Variants in NOX3 observed in about 807,000 individuals in gnomAD.
NOX3 encodes NADPH oxidase 3.
NOX3 carries 74 observed loss-of-function variants against 76.7 expected under a neutral mutation model. That is an observed-to-expected ratio of 0.96 (90% CI 0.80 to 1.17). The LOEUF is 1.17. Ranked by LOEUF, NOX3 falls within the 50% of genes most tolerant of loss-of-function variation. The probability of loss-of-function intolerance (pLI) is 0.00; values close to 1 mark genes in which losing one functional copy is unlikely to be tolerated. For synonymous variants in NOX3, 263 were observed against 261.1 expected (o/e 1.01, Z -0.07); for missense variants, 695 against 703.3 (o/e 0.99, Z 0.13).
intron 11 of NOX3, among the ~76,000 whole-genome samples, chr6:155,408,136 G>T (rs891977887): frequency 3.9e-5 from 6 of 152,010 alleles, no homozygotes; most frequent in Non-Finnish European, 8.8e-5. Flanking sequence ...GTACCACCAT[G>T]CTTGGCTAAT....
rs1274124843 is a variant in NOX3 at position 155,454,730 on chromosome 6, A to C, written c.255+81T>G. On this transcript the variant is annotated intron_variant, in intron 3 of 13. Coordinates refer to ENST00000159060, the MANE Select transcript of NOX3 (RefSeq NM_015718.3). ...TAAACAGAATTACTGAGAATTTCAT[A>C]ATAAAGTACATTTTTTTTCAATGGC... is the stretch of plus-strand genomic sequence containing the variant. 5 of 812,750 alleles carry C rather than the reference A, an allele frequency of 6.2e-6. No homozygotes were observed. In the East Asian group the frequency reaches 1.4e-4, roughly 23 times the overall value. The allele number at this position is 812,750 out of a possible 1,614,324, so 50.3% of individuals were successfully genotyped here. A position where few individuals can be genotyped will look rare whatever the true frequency, so the allele number is the denominator to read the frequency against.
chr6:155,430,835 A>T lies in NOX3; in HGVS notation c.891+8T>A. The T allele has an allele frequency of 6.3e-7, 1 of 1,591,454 alleles. No individual in the cohort carries two copies. The highest frequency in any genetic ancestry group is 8.6e-7 in the Non-Finnish European group (1 of 1,160,100). ...GGCTTTTATTCAGACATAAAGCTACATGCATACCTTGGTAATGACAACTTC... is the reference window on the plus strand; with the variant it reads ...GGCTTTTATTCAGACATAAAGCTACTTGCATACCTTGGTAATGACAACTTC... On this transcript the variant is annotated splice_region_variant and intron_variant, in intron 8 of 13. Transcript: ENST00000159060.
At chr6:155,418,358 C>A (rs904247399) in intron 10 of NOX3, among the ~76,000 whole-genome samples, 3 of 152,216 alleles carry the variant, frequency 2.0e-5, no homozygotes, top group African/African-American at 7.2e-5. Context: ...TATTGCATCA[C>A]AGAGAATTCT....
In NOX3 at chr6:155,455,325, G is replaced by T. The variant is rs559060367; in HGVS notation, c.49-196C>A. Among the ~76,000 whole-genome samples, 9 of 152,192 alleles carry T rather than the reference G, an allele frequency of 5.9e-5. No homozygotes were observed. The South Asian group carries it at 1.5e-3, about 25-fold the overall frequency. On this transcript the variant is annotated intron_variant, in intron 1 of 13. Transcript: ENST00000159060. ...AATACATTATTACCTTTATTAAAAA[G>T]ATTTTAAACACATATGAGTCAACTT...
intron 4 of NOX3, among the ~76,000 whole-genome samples, chr6:155,450,875 G>T (rs746751201): frequency 9.2e-5 from 14 of 152,114 alleles, no homozygotes; most frequent in Non-Finnish European, 1.9e-4. Context: ...CAGGCTAAGG[G>T]CTTTGGATTT....
At chr6:155,423,144 C>T (rs1042674425) in intron 9 of NOX3, among the ~76,000 whole-genome samples, 2 of 152,294 alleles carry the variant, frequency 1.3e-5, no homozygotes, top group Middle Eastern at 3.4e-3. Flanking sequence ...GCATGCTCTC[C>T]TTACAGCGCT....
At chr6:155,435,037 G>T (rs1776883150) in intron 7 of NOX3, among the ~76,000 whole-genome samples, 1 of 152,184 alleles carries the variant, frequency 6.6e-6, no homozygotes, top group Non-Finnish European at 1.5e-5. Flanking sequence ...TTCGGATTCA[G>T]TGTCTATAAG....
chr6:155,411,004 T>TAA (rs1171737162), intron 11 of NOX3, among the ~76,000 whole-genome samples: 14 of 152,230 alleles, frequency 9.2e-5, no homozygotes, highest in Non-Finnish European at 2.1e-4. Flanking sequence ...CTCAGCAAGT[T>TAA]AACTGTAGCT....
At chr6:155,410,672 T>C (rs1776530381) in intron 11 of NOX3, among the ~76,000 whole-genome samples, 1 of 152,218 alleles carries the variant, frequency 6.6e-6, no homozygotes, top group African/African-American at 2.4e-5. Context: ...ATCTTCATCT[T>C]AGGTAAATAA....
intron 10 of NOX3, among the ~76,000 whole-genome samples, chr6:155,416,141 C>G (rs900060756): frequency 1.8e-4 from 28 of 152,230 alleles, no homozygotes; most frequent in African/African-American, 6.5e-4. Flanking sequence ...ATCGCCTCCT[C>G]AAGGAGAAGG....
intron 12 of NOX3, among the ~76,000 whole-genome samples, chr6:155,406,259 C>T (rs73792881): frequency 0.014 from 2,083 of 151,984 alleles, 46 homozygotes; most frequent in African/African-American, 0.047. Context: ...AGTATATTTA[C>T]GTTATGAAAA....
intron 11 of NOX3, 25 bp downstream of exon 11, chr6:155,411,189 C>T: frequency 6.2e-7 from 1 of 1,606,560 alleles, no homozygotes. Flanking sequence ...AGCAATATTG[C>T]TTATTCTCAG....
At chr6:155,409,693 A>G (rs1309025967) in intron 11 of NOX3, among the ~76,000 whole-genome samples, 4 of 152,164 alleles carry the variant, frequency 2.6e-5, no homozygotes, top group African/African-American at 9.7e-5. Context: ...GAATGCACCA[A>G]TTATTTTTCC....
At chr6:155,424,794 A>C (rs868359155) in intron 9 of NOX3, among the ~76,000 whole-genome samples, 5 of 152,228 alleles carry the variant, frequency 3.3e-5, no homozygotes, top group Non-Finnish European at 7.3e-5. Flanking sequence ...GAAAGAGAGA[A>C]AGAAAACCTG....
In NOX3 at chr6:155,411,204, T is replaced by C. The variant is rs749265151; in HGVS notation, c.1455+10A>G. On this transcript the variant is annotated intron_variant, in intron 11 of 13. Transcript: ENST00000159060. ...AGCAATATTGCTTATTCTCAGAGTC[T>C]TATCAGTACCTGATTTTCATCCCAG... The C allele has an allele frequency of 1.2e-6, 2 of 1,612,536 alleles. No homozygotes were observed. The highest frequency in any genetic ancestry group is 2.2e-5 in the South Asian group (2 of 90,716).
At chr6:155,409,524 A>G (rs1776514032) in intron 11 of NOX3, among the ~76,000 whole-genome samples, 1 of 152,194 alleles carries the variant, frequency 6.6e-6, no homozygotes, top group Admixed American at 6.5e-5. Context: ...CATATTTCTC[A>G]GCCCAATGTT....
chr6:155,440,229 G>A (rs1263329747), intron 5 of NOX3, 92 bp from the exon 6 acceptor site: 9 of 998,012 alleles, frequency 9.0e-6, no homozygotes, highest in Non-Finnish European at 1.3e-5. Flanking sequence ...TTCATTTTTA[G>A]GACCAGTACT....
At position 155,443,320 on chromosome 6, in the gene NOX3, T is replaced by A. The variant is rs2114705143; in HGVS notation, c.439A>T (p.Asn147Tyr). The change falls in exon 5 of 14, where the codon AAC becomes TAC. Residue 147 changes from asparagine (N) to tyrosine (Y), a missense_variant. Transcript: ENST00000159060. ...GLLAALSKLG[N>Y]TPNESYLNPV... ...TTGAGGTAGCTCTCGTTAGGGGTGT[T>A]GCCCAGCTTGGAAAGTGCGGCCAGA... 6.2e-7 allele frequency: 1 copy of A among 1,614,148 alleles called. No individual in the cohort carries two copies. Among genetic ancestry groups the A allele is most frequent in the East Asian group, 2.2e-5 (1 of 44,882 alleles).
intron 4 of NOX3, among the ~76,000 whole-genome samples, chr6:155,448,354 T>C (rs1238423702): frequency 6.6e-6 from 1 of 152,212 alleles, no homozygotes; most frequent in African/African-American, 2.4e-5. Flanking sequence ...TCTTCAGTCT[T>C]GCAGTAAATC....
Sources: allele counts gnomAD v4.1 joint callset (sites outside exome capture counted in the v4.1 genomes callset), GRCh38; gene constraint gnomAD v4.1.1; transcripts MANE v1.5; gene names NCBI Gene and HGNC (gene_info 2026-07-23, HGNC 2026-07-21).